The following MCF2L2 variants were observed in gnomAD, a reference collection of about 807,000 sequenced individuals.
The protein encoded by MCF2L2 is MCF.2 cell line derived transforming sequence-like 2.
Under a neutral mutation model 150.2 loss-of-function variants are expected in MCF2L2, and 102 were observed. That is an observed-to-expected ratio of 0.68 (90% CI 0.58 to 0.80). The LOEUF is 0.80. Among genes scored for constraint, MCF2L2 ranks in the 30% least tolerant of loss-of-function variants. MCF2L2 has a pLI of 0.00. For synonymous variants in MCF2L2, 465 were observed against 491.3 expected, an observed-to-expected ratio of 0.95 and a Z score of 0.71; for missense variants, 1,256 against 1,372.8, an observed-to-expected ratio of 0.91 and a Z score of 1.34.
In MCF2L2 at chr3:183,257,958, C is replaced by CTTTTTTTTTT. The variant is rs35323502; in HGVS notation, c.1862+18904_1862+18913dup. On this transcript the variant is annotated intron_variant, in intron 15 of 29. Coordinates refer to ENST00000328913, the MANE Select transcript of MCF2L2 (RefSeq NM_015078.4). ...TATTCCTTGCTCCCTCCACTTCACC[C>CTTTTTTTTTT]TTTTTTTTTTTTTTTTTTTTTTTTT... Among the ~76,000 whole-genome samples the CTTTTTTTTTT allele has an allele frequency of 9.4e-3, 609 of 64,742 alleles. 121 individuals are homozygous for CTTTTTTTTTT. Among genetic ancestry groups the CTTTTTTTTTT allele is most frequent in the African/African-American group, 0.031 (448 of 14,398 alleles). The allele number at this position is 64,742 out of a possible 152,430, so 42.5% of individuals were successfully genotyped here. A position where few individuals can be genotyped will look rare whatever the true frequency, so the allele number is the denominator to read the frequency against.
intron 3 of MCF2L2, among the ~76,000 whole-genome samples, chr3:183,353,766 A>T (rs1711606736): frequency 6.6e-6 from 1 of 152,192 alleles, no homozygotes; most frequent in Admixed American, 6.5e-5. Flanking sequence ...GGGCAGGGAC[A>T]CAAATCCAAA....
At chr3:183,291,204 T>C (rs1014528938) in intron 13 of MCF2L2, among the ~76,000 whole-genome samples, 4 of 152,208 alleles carry the variant, frequency 2.6e-5, no homozygotes, top group Non-Finnish European at 4.4e-5. Context: ...TGTGACACCA[T>C]GACTGAGAAG....
intron 3 of MCF2L2, among the ~76,000 whole-genome samples, chr3:183,349,768 T>C (rs1186589637): frequency 6.6e-6 from 1 of 152,260 alleles, no homozygotes; most frequent in Non-Finnish European, 1.5e-5. Context: ...TGTCTGATAC[T>C]GATGCTCTTC....
chr3:183,191,768 C>G (rs1456222948), intron 27 of MCF2L2, among the ~76,000 whole-genome samples: 3 of 152,104 alleles, frequency 2.0e-5, no homozygotes, highest in Non-Finnish European at 1.5e-5. Context: ...CATTTGACGG[C>G]TTCTCTTTGG....
intron 3 of MCF2L2, among the ~76,000 whole-genome samples, chr3:183,369,607 A>T (rs2108575397): frequency 6.6e-6 from 1 of 152,160 alleles, no homozygotes; most frequent in East Asian, 1.9e-4. Flanking sequence ...GCTCAACATA[A>T]ATTCCTGTTC....
intron 27 of MCF2L2, among the ~76,000 whole-genome samples, chr3:183,189,220 G>A (rs560423737): frequency 3.3e-5 from 5 of 152,328 alleles, no homozygotes; most frequent in African/African-American, 9.6e-5. Context: ...CGAGCCCATG[G>A]TGCAGGCACT....
At chr3:183,214,026 T>C (rs1722826338) in intron 22 of MCF2L2, among the ~76,000 whole-genome samples, 1 of 152,228 alleles carries the variant, frequency 6.6e-6, no homozygotes, top group African/African-American at 2.4e-5. Context: ...CCTATTTGCA[T>C]GCAAACTGGC....
intron 16 of MCF2L2, among the ~76,000 whole-genome samples, chr3:183,230,418 A>G (rs1031941055): frequency 4.6e-5 from 7 of 152,168 alleles, no homozygotes; most frequent in African/African-American, 1.2e-4. Context: ...CCGGCCCAAT[A>G]ATTATTTTTT....
At chr3:183,209,033 C>T (rs73886280) in intron 22 of MCF2L2, among the ~76,000 whole-genome samples, 2,661 of 111,782 alleles carry the variant, frequency 0.024, 84 homozygotes, top group African/African-American at 0.065. Flanking sequence ...CTCCCAGCCA[C>T]GAGGCCTTCT....
intron 5 of MCF2L2, among the ~76,000 whole-genome samples, chr3:183,332,418 T>C (rs931236628): frequency 6.6e-6 from 1 of 152,082 alleles, no homozygotes; most frequent in Non-Finnish European, 1.5e-5. Context: ...CTACCACAAA[T>C]AGAGGTAGCT....
chr3:183,230,925 A>C (rs1433670007), intron 16 of MCF2L2, 26 bp downstream of exon 16: 3 of 1,563,032 alleles, frequency 1.9e-6, no homozygotes, highest in Admixed American at 1.7e-5. Flanking sequence ...TATATGCTTG[A>C]TACCCCACTC....
chr3:183,383,817 C>G (rs374292187), intron 2 of MCF2L2, among the ~76,000 whole-genome samples: 1 of 151,934 alleles, frequency 6.6e-6, no homozygotes, highest in South Asian at 2.1e-4. Flanking sequence ...GGCTGTTCAC[C>G]TAAGTTTTCC....
chr3:183,269,230 C>CTTTGTTTTTTTTTTTTTTTTT (rs1726469128), intron 15 of MCF2L2, among the ~76,000 whole-genome samples: 2 of 81,030 alleles, frequency 2.5e-5, no homozygotes, highest in East Asian at 5.3e-4. Context: ...GTTTGGGAAG[C>CTTTGTTTTTTTTTTTTTTTTT]TTTTTTTTTT....
chr3:183,206,530 CG>C (rs1722478935), intron 23 of MCF2L2, among the ~76,000 whole-genome samples: 1 of 152,134 alleles, frequency 6.6e-6, no homozygotes, highest in African/African-American at 2.4e-5. Flanking sequence ...CAACTTTCTA[CG>C]TAATAGTAAC....
intron 25 of MCF2L2, among the ~76,000 whole-genome samples, chr3:183,202,886 C>T (rs1722339783): frequency 1.3e-5 from 2 of 152,100 alleles, no homozygotes; most frequent in African/African-American, 4.8e-5. Flanking sequence ...GCAGTCCATA[C>T]CCAGGGAAAA....
chr3:183,293,945 A>T (rs1018381875), intron 13 of MCF2L2, among the ~76,000 whole-genome samples: 2 of 152,188 alleles, frequency 1.3e-5, no homozygotes, highest in Non-Finnish European at 2.9e-5. Context: ...TGACCTAAAA[A>T]ACATAAGTTA....
At chr3:183,203,220 A>G (rs905453122) in intron 25 of MCF2L2, among the ~76,000 whole-genome samples, 10 of 151,610 alleles carry the variant, frequency 6.6e-5, no homozygotes, top group Non-Finnish European at 8.8e-5. Flanking sequence ...CTCAAAAAAG[A>G]AAAAAAAAGA....
chr3:183,293,534 C>T (rs74589903), intron 13 of MCF2L2, among the ~76,000 whole-genome samples: 3,049 of 152,244 alleles, frequency 0.02, 59 homozygotes, highest in East Asian at 0.051. Flanking sequence ...TAATCATTCA[C>T]GATAAAAACT....
intron 16 of MCF2L2, 136 bp downstream of exon 16, chr3:183,230,815 C>T: frequency 3.2e-6 from 2 of 630,480 alleles, no homozygotes. Flanking sequence ...CTACTGGAGA[C>T]ACTTGTAATA....
Sources: allele counts gnomAD v4.1 joint callset (sites outside exome capture counted in the v4.1 genomes callset), GRCh38; gene constraint gnomAD v4.1.1; transcripts MANE v1.5; gene names NCBI Gene and HGNC (gene_info 2026-07-23, HGNC 2026-07-21).